Variants in PCDH15 observed in about 807,000 individuals in gnomAD.
PCDH15 encodes the protein protocadherin related 15, also known as protocadherin-15.
Under a neutral mutation model 178.5 loss-of-function variants are expected in PCDH15, and 129 were observed. The observed-to-expected ratio is 0.72, with a 90% CI of 0.63 to 0.84. The LOEUF (loss-of-function observed/expected upper bound fraction) is 0.84. PCDH15 is among the 40% of genes least tolerant of loss of function. The pLI is 0.00. For missense variants in PCDH15, 2,230 were observed against 2,099.9 expected, an observed-to-expected ratio of 1.06 and a Z score of -1.21; for synonymous variants, 800 against 732.0, an observed-to-expected ratio of 1.09 and a Z score of -1.50.
In PCDH15 at chr10:53,807,275, T is replaced by TATTA. The variant is rs1589058096; in HGVS notation, c.4672-149_4672-146dup. The TATTA allele has an allele frequency of 5.6e-5, 36 of 638,354 alleles. No individual in the cohort carries two copies. In the East Asian group the frequency reaches 9.7e-4, roughly 17 times the overall value. 39.5% of individuals were successfully genotyped at this position (638,354 alleles called of 1,614,324 possible). ...AGAGAGATAGAAGGAAGCCAGTCTT[T>TATTA]ATTAACATACATTTCCTTTCATCAA... On this transcript the variant is annotated intron_variant, in intron 37 of 37. Coordinates refer to ENST00000644397, the MANE Select transcript of PCDH15 (RefSeq NM_001384140.1).
chr10:55,529,930 A>T (rs1347586645), intron 2 of PCDH15, among the ~76,000 whole-genome samples: 2 of 151,218 alleles, frequency 1.3e-5, no homozygotes, highest in Non-Finnish European at 2.9e-5. Flanking sequence ...ATTAGTAGGA[A>T]TGAGTGAATC....
At chr10:54,623,112 T>G (rs946276414) in intron 2 of PCDH15, among the ~76,000 whole-genome samples, 1 of 152,062 alleles carries the variant, frequency 6.6e-6, no homozygotes, top group Non-Finnish European at 1.5e-5. Flanking sequence ...TGCCTGACTT[T>G]CCATTTGTCT....
chr10:55,518,184 C>T (rs769183707), intron 2 of PCDH15, among the ~76,000 whole-genome samples: 1 of 152,086 alleles, frequency 6.6e-6, no homozygotes, highest in Non-Finnish European at 1.5e-5. Context: ...CCTACTGAGT[C>T]CCTCTTCCTT....
chr10:54,660,702 A>C (rs1272400002), intron 2 of PCDH15, among the ~76,000 whole-genome samples: 1 of 152,136 alleles, frequency 6.6e-6, no homozygotes, highest in Admixed American at 6.6e-5. Flanking sequence ...ATAGACACAA[A>C]AATCTGCAAC....
intron 2 of PCDH15, among the ~76,000 whole-genome samples, chr10:55,060,877 C>CA (rs200211175): frequency 0.011 from 1,601 of 148,786 alleles, 28 homozygotes; most frequent in African/African-American, 0.035. Flanking sequence ...AACACCACAT[C>CA]AAAAAAAAAT....
At chr10:54,497,663 A>G (rs897601291) in intron 3 of PCDH15, among the ~76,000 whole-genome samples, 1 of 152,190 alleles carries the variant, frequency 6.6e-6, no homozygotes, top group Non-Finnish European at 1.5e-5. Context: ...AAACAATAAT[A>G]AAGCATTAAT....
At chr10:54,373,299 T>A (rs1400521534) in intron 4 of PCDH15, among the ~76,000 whole-genome samples, 1 of 151,826 alleles carries the variant, frequency 6.6e-6, no homozygotes, top group African/African-American at 2.4e-5. Context: ...TGTCATGATA[T>A]TTCTGTCTAT....
At chr10:55,233,657 T>A (rs770611773) in intron 1 of PCDH15, among the ~76,000 whole-genome samples, 1 of 152,092 alleles carries the variant, frequency 6.6e-6, no homozygotes, top group Non-Finnish European at 1.5e-5. Flanking sequence ...CCTCCCTAGA[T>A]ATGCAAATTA....
rs565503282 is a variant in PCDH15, at chr10:55,255,728, T to C, written c.-156+63871A>G. On this transcript the variant is annotated intron_variant, in intron 1 of 5. Transcript: ENST00000458638. ...GTGATGATGAGCATTTCTTCATGTG[T>C]CTTTTGGCTGCATAAATGTCTTCTT... Among the ~76,000 whole-genome samples the C allele has an allele frequency of 2.6e-5, 4 of 152,354 alleles. No individual in the cohort carries two copies. The South Asian group carries it at 8.3e-4, about 32-fold the overall frequency.
intron 29 of PCDH15, among the ~76,000 whole-genome samples, chr10:53,832,655 C>T: frequency 6.6e-6 from 1 of 150,684 alleles, no homozygotes; most frequent in East Asian, 1.9e-4. Context: ...TTGAAAAATA[C>T]AGAAAACACA....
chr10:54,454,009 G>A (rs191693376), intron 3 of PCDH15, among the ~76,000 whole-genome samples: 32 of 151,286 alleles, frequency 2.1e-4, no homozygotes, highest in African/African-American at 7.3e-4. Flanking sequence ...AAATATAAAT[G>A]TATATTTATA....
chr10:55,343,624 GA>G (rs149732673), intron 2 of PCDH15, among the ~76,000 whole-genome samples: 3,560 of 148,610 alleles, frequency 0.024, 138 homozygotes, highest in East Asian at 0.19. Context: ...AGCCCATCTT[GA>G]AAAAAAAAAA....
At chr10:55,195,102 C>T (rs1213968921) in intron 1 of PCDH15, among the ~76,000 whole-genome samples, 1 of 151,094 alleles carries the variant, frequency 6.6e-6, no homozygotes, top group Non-Finnish European at 1.5e-5. Context: ...CGGCTCACTG[C>T]AACCTCTGCC....
intron 2 of PCDH15, among the ~76,000 whole-genome samples, chr10:55,041,634 G>A (rs1035360982): frequency 1.3e-5 from 2 of 152,010 alleles, no homozygotes; most frequent in African/African-American, 4.8e-5. Flanking sequence ...CAGCAAGGGG[G>A]AATATTGGTT....
intron 3 of PCDH15, among the ~76,000 whole-genome samples, chr10:54,426,720 C>T (rs1956309348): frequency 6.6e-6 from 1 of 152,002 alleles, no homozygotes; most frequent in Admixed American, 6.6e-5. Context: ...TCCACTTTTA[C>T]ACGGCCCCTA....
At chr10:55,238,408 C>A (rs2132208360) in intron 1 of PCDH15, among the ~76,000 whole-genome samples, 1 of 152,224 alleles carries the variant, frequency 6.6e-6, no homozygotes, top group East Asian at 1.9e-4. Context: ...CCTCGGCCTC[C>A]CAAAGTGCTG....
At chr10:55,053,729 C>T (rs1841222056) in intron 2 of PCDH15, among the ~76,000 whole-genome samples, 1 of 152,182 alleles carries the variant, frequency 6.6e-6, no homozygotes, top group Admixed American at 6.5e-5. Context: ...ATGGTACAAG[C>T]ACCTCACAGA....
In PCDH15 at chr10:54,027,721, G is replaced by T. The variant is rs1348993006; in HGVS notation, c.2221-4524C>A. Among the ~76,000 whole-genome samples, 17 of 147,590 alleles carry T rather than the reference G, an allele frequency of 1.2e-4. No homozygotes were observed. The East Asian group carries it at 3.2e-3, about 28-fold the overall frequency. On this transcript the variant is annotated intron_variant, in intron 18 of 37. Transcript: ENST00000644397. ...TTCCCTATTTAATAAATGGTGCTGG[G>T]AAAACTGGCTAGCCATATGGAGAAA...
intron 2 of PCDH15, among the ~76,000 whole-genome samples, chr10:54,622,634 ATT>A (rs1491231299): frequency 2.6e-4 from 11 of 41,528 alleles, no homozygotes; most frequent in Admixed American, 1.2e-3. Flanking sequence ...TATAATATAT[ATT>A]ATATAATTAT....
Sources: gnomAD v4.1 joint callset for allele counts (sites outside exome capture counted in the v4.1 genomes callset) on GRCh38, gnomAD v4.1.1 for gene constraint, MANE v1.5 for transcripts, NCBI Gene and HGNC (gene_info 2026-07-23, HGNC 2026-07-21) for gene names.